The following MBD2 variants were observed in gnomAD, a reference collection of about 807,000 sequenced individuals.
MBD2 encodes methyl-CpG-binding domain protein 2.
MBD2 carries 9 observed loss-of-function variants against 39.3 expected under a neutral mutation model. The ratio of observed to expected loss-of-function variants is 0.23; its 90% CI spans 0.14 to 0.40. The LOEUF is 0.40. Ranked by LOEUF, MBD2 falls within the 10% of genes least tolerant of loss-of-function variation. MBD2 has a pLI of 1.00. For synonymous variants in MBD2, 233 were observed against 211.1 expected, an observed-to-expected ratio of 1.10 and a Z score of -0.90; for missense variants, 458 against 532.6, an observed-to-expected ratio of 0.86 and a Z score of 1.38.
Position 54,184,001 on chromosome 18 carries a change from A to G in MBD2, c.840+4873T>C, listed in dbSNP as rs1275389784. 4.6e-5 allele frequency among the ~76,000 whole-genome samples: 7 copies of G among 151,892 alleles called. No homozygotes were observed. In the East Asian group the frequency reaches 1.4e-3, roughly 30 times the overall value. On this transcript the variant is annotated intron_variant, in intron 3 of 6. Transcript: ENST00000256429. ...GTAATATAAAAGCTACTCCCTAGTT[A>G]AAAAAGCTCTAAATGTTTCTCATTT...
intron 1 of MBD2, among the ~76,000 whole-genome samples, chr18:54,205,506 G>A (rs537952503): frequency 6.6e-6 from 1 of 150,806 alleles, no homozygotes; most frequent in South Asian, 2.1e-4. Flanking sequence ...CAGGAGAATC[G>A]CTTGAACTCA....
At chr18:54,155,895 ATCT>A (rs1378680884) in intron 6 of MBD2, among the ~76,000 whole-genome samples, 11 of 151,922 alleles carry the variant, frequency 7.2e-5, no homozygotes, top group South Asian at 2.1e-4. Flanking sequence ...TACAGTCATC[ATCT>A]TCTTCTTCTT....
chr18:54,198,220 T>C (rs756219114), intron 2 of MBD2, among the ~76,000 whole-genome samples: 2 of 152,116 alleles, frequency 1.3e-5, no homozygotes, highest in African/African-American at 2.4e-5. Flanking sequence ...CAGGCAGAAA[T>C]AAGTCAACCC....
Position 54,224,194 on chromosome 18 carries a change from G to A in MBD2, c.366C>T (p.Pro122=). The A allele has an allele frequency of 2.5e-6, 3 of 1,216,006 alleles. No individual in the cohort carries two copies. The highest frequency in any genetic ancestry group is 7.9e-5 in the South Asian group (2 of 25,430). The allele number at this position is 1,216,006 out of a possible 1,614,324, so 75.3% of individuals were successfully genotyped here. The change falls in exon 1 of 7, where the codon CCC becomes CCT. Residue 122 remains proline (P), a synonymous_variant. Transcript: ENST00000256429. Reference sequence around the variant, plus strand: ...ACGGGAAAGGGACCGGCTCCCGCCGGGGGGCGCCGCCGCCACCGCTGCCGC... The same window carrying A: ...ACGGGAAAGGGACCGGCTCCCGCCGAGGGGCGCCGCCGCCACCGCTGCCGC... The part of the protein sequence containing the change: ...GGGGSGGGGA[P]RREPVPFPSG...
Position 54,187,137 on chromosome 18 carries a change from G to A in MBD2, c.840+1737C>T, listed in dbSNP as rs371080040. ...AAAATAATTAAATTACTGTTAAAAC[G>A]GCCAGAATTTGCTAATCAATTCATC... On this transcript the variant is annotated intron_variant, in intron 3 of 6. Coordinates refer to ENST00000256429, the MANE Select transcript of MBD2 (RefSeq NM_003927.5). Among the ~76,000 whole-genome samples, 194 of 152,100 alleles carry A rather than the reference G, an allele frequency of 1.3e-3. 1 individual carries two copies. Among genetic ancestry groups the A allele is most frequent in the African/African-American group, 4.6e-3 (189 of 41,490 alleles).
intron 3 of MBD2, among the ~76,000 whole-genome samples, chr18:54,187,404 A>G (rs750570880): frequency 6.6e-6 from 1 of 152,214 alleles, no homozygotes; most frequent in Non-Finnish European, 1.5e-5. Context: ...TTTTTGGGGA[A>G]ATGATTTTTA....
chr18:54,213,766 A>C (rs2086531084), intron 1 of MBD2, among the ~76,000 whole-genome samples: 1 of 152,150 alleles, frequency 6.6e-6, no homozygotes, highest in Admixed American at 6.5e-5. Flanking sequence ...AAACTGGATG[A>C]CTATATAGGG....
intron 3 of MBD2, among the ~76,000 whole-genome samples, chr18:54,188,139 C>T (rs1023279631): frequency 1.3e-5 from 2 of 152,020 alleles, no homozygotes; most frequent in Non-Finnish European, 2.9e-5. Context: ...TCCCTCCACT[C>T]CCTCACCCCA....
intron 2 of MBD2, among the ~76,000 whole-genome samples, chr18:54,194,643 G>A (rs868108115): frequency 9.9e-4 from 150 of 151,854 alleles, no homozygotes; most frequent in African/African-American, 3.4e-3. Context: ...GCTAGAATGG[G>A]ACAAGGTATA....
Position 54,224,262 on chromosome 18 carries a change from C to T in MBD2, c.298G>A (p.Gly100Ser), listed in dbSNP as rs2086642189. 1.0e-6 allele frequency: 1 copy of T among 964,242 alleles called. No individual in the cohort carries two copies. Among genetic ancestry groups the T allele is most frequent in the Non-Finnish European group, 1.2e-6 (1 of 812,502 alleles). 59.7% of individuals were successfully genotyped at this position (964,242 alleles called of 1,614,324 possible). A position where few individuals can be genotyped will look rare whatever the true frequency, so the allele number is the denominator to read the frequency against. Residue 100 changes from glycine (G) to serine (S), a missense_variant, in exon 1 of 7, where the codon GGC (glycine) becomes AGC (serine). By Grantham distance (56) the Gly-to-Ser change is moderately conservative (BLOSUM62 0). Around this residue, in one of 2 missense-constraint regions of MBD2, gnomAD observed 269 missense variants for 236.0 expected, o/e 1.14. Transcript: ENST00000256429. Reference sequence around the variant, plus strand: ...CCGTCGCCGCCAAGGCCGCTGCCGCCACTCGGGGGACGGCCGCGGCCCCGG... The same window carrying T: ...CCGTCGCCGCCAAGGCCGCTGCCGCTACTCGGGGGACGGCCGCGGCCCCGG... ...RGRGRGRPPS[G>S]GSGLGGDGGG...
chr18:54,183,580 A>G (rs2086264947), intron 3 of MBD2, among the ~76,000 whole-genome samples: 1 of 152,254 alleles, frequency 6.6e-6, no homozygotes, highest in African/African-American at 2.4e-5. Context: ...AAACTTGTCC[A>G]TTCAGTTTAA....
intron 2 of MBD2, among the ~76,000 whole-genome samples, chr18:54,197,790 T>C (rs1473686850): frequency 2.0e-5 from 3 of 152,172 alleles, no homozygotes; most frequent in African/African-American, 7.2e-5. Flanking sequence ...AGCTACTTGC[T>C]CCTCACTTCT....
chr18:54,205,793 A>C (rs1439880133), intron 1 of MBD2, among the ~76,000 whole-genome samples: 1 of 152,126 alleles, frequency 6.6e-6, no homozygotes, highest in Non-Finnish European at 1.5e-5. Flanking sequence ...TGTAACAGGC[A>C]TACTAAAAAT....
chr18:54,200,245 A>T (rs1334639869), intron 2 of MBD2, among the ~76,000 whole-genome samples: 1 of 152,094 alleles, frequency 6.6e-6, no homozygotes, highest in Non-Finnish European at 1.5e-5. Context: ...AGCAAAACTA[A>T]AAAATAATTT....
chr18:54,157,290 T>G lies in MBD2; in HGVS notation c.*13-1979A>C, dbSNP rs370894215. 5.2e-4 allele frequency among the ~76,000 whole-genome samples: 79 copies of G among 151,578 alleles called. 1 individual carries two copies. In the South Asian group the frequency reaches 0.013, roughly 26 times the overall value. ...TTTTTTTTTTTTTTGAGACAGAGTCTCACTCTATCACCCAGGCTGTAGTGC... is the reference window on the plus strand; with the variant it reads ...TTTTTTTTTTTTTTGAGACAGAGTCGCACTCTATCACCCAGGCTGTAGTGC... On this transcript the variant is annotated intron_variant, in intron 6 of 6. Transcript: ENST00000256429.
Position 54,224,225 on chromosome 18 carries a change from CCGCAGCCGCCGCCGT to C in MBD2, c.320_334del (p.Asp107_Cys111del). 9.5e-7 allele frequency: 1 copy of C among 1,053,348 alleles called. No individual in the cohort carries two copies. The highest frequency in any genetic ancestry group is 1.1e-6 in the Non-Finnish European group (1 of 875,386). 65.3% of individuals were successfully genotyped at this position (1,053,348 alleles called of 1,614,324 possible). ...GCCGCCGCCACCGCTGCCGCCGCCGCCGCAGCCGCCGCCGTCGCCGCCAAGGCCGCTGCCGCCACT... is the reference window on the plus strand; with the variant it reads ...GCCGCCGCCACCGCTGCCGCCGCCGCCGCCGCCAAGGCCGCTGCCGCCACT... On this transcript the variant is annotated inframe_deletion, in exon 1 of 7. Transcript: ENST00000256429.
At chr18:54,192,770 T>C (rs929352621) in intron 2 of MBD2, among the ~76,000 whole-genome samples, 3 of 152,178 alleles carry the variant, frequency 2.0e-5, no homozygotes, top group Non-Finnish European at 4.4e-5. Flanking sequence ...AAACTATTGA[T>C]GCTACACTGG....
intron 1 of MBD2, among the ~76,000 whole-genome samples, chr18:54,221,855 A>G (rs2086616201): frequency 6.6e-6 from 1 of 152,242 alleles, no homozygotes. Flanking sequence ...TGAGCACTAC[A>G]ACAATCTGAC....
chr18:54,207,893 C>T (rs553876729), intron 1 of MBD2, among the ~76,000 whole-genome samples: 1 of 152,204 alleles, frequency 6.6e-6, no homozygotes, highest in East Asian at 1.9e-4. Flanking sequence ...AAAAAATTAG[C>T]CGGGCGTGGT....
Sources: gnomAD v4.1 joint callset for allele counts (sites outside exome capture counted in the v4.1 genomes callset) on GRCh38, gnomAD v4.1.1 for gene constraint, gnomAD v4.1.1 regional missense constraint, MANE v1.5 for transcripts, NCBI Gene and HGNC (gene_info 2026-07-23, HGNC 2026-07-21) for gene names.